The following MAST4 variants were observed in gnomAD, a reference collection of about 807,000 sequenced individuals.
The protein encoded by MAST4 is microtubule associated serine/threonine kinase family member 4.
A neutral mutation model predicts 162.7 loss-of-function variants in MAST4; 89 were observed. The ratio of observed to expected loss-of-function variants is 0.55; its 90% CI spans 0.46 to 0.65. The LOEUF is 0.65. Ranked by LOEUF, MAST4 falls within the 30% of genes least tolerant of loss-of-function variation. MAST4 has a pLI of 0.00. For missense variants in MAST4, 3,153 were observed against 3,374.0 expected (o/e 0.93, Z 1.62); for synonymous variants, 1,479 against 1,361.1 (o/e 1.09, Z -1.91).
At chr5:66,869,331 A>G (rs901726447) in intron 3 of MAST4, among the ~76,000 whole-genome samples, 2 of 152,178 alleles carry the variant, frequency 1.3e-5, no homozygotes, top group Admixed American at 6.5e-5. Flanking sequence ...TCTTGATTCT[A>G]TGGAAATGGG....
Position 66,596,733 on chromosome 5 carries a change from T to C in MAST4, c.78T>C (p.Ser26=). The C allele has an allele frequency of 1.4e-6, 2 of 1,415,460 alleles. No homozygotes were observed. Among genetic ancestry groups the C allele is most frequent in the Non-Finnish European group, 1.8e-6 (2 of 1,084,186 alleles). The allele number at this position is 1,415,460 out of a possible 1,614,324, so 87.7% of individuals were successfully genotyped here. A position where few individuals can be genotyped will look rare whatever the true frequency, so the allele number is the denominator to read the frequency against. The change falls in exon 1 of 29, where the codon TCT becomes TCC. Residue 26 remains serine, a synonymous_variant. Transcript: ENST00000403625. ...CSGHGSRTPA[S]ALVAASSPGA... is the part of the protein sequence containing the mutation. ...GCCACGGCAGCCGGACTCCAGCCTC[T>C]GCGCTGGTCGCCGCGTCCTCTCCGG...
intron 4 of MAST4, chr5:67,005,118 A>G (rs747581025): frequency 7.1e-5 from 52 of 731,266 alleles, no homozygotes; most frequent in Admixed American, 1.7e-4. Context: ...CTGGAGAGGG[A>G]ATGCTTTCAC....
intron 23 of MAST4, among the ~76,000 whole-genome samples, chr5:67,147,460 C>G (rs1771237965): frequency 6.6e-6 from 1 of 152,208 alleles, no homozygotes; most frequent in African/African-American, 2.4e-5. Context: ...AGAGGTGACA[C>G]AAGGTTGTAT....
intron 4 of MAST4, among the ~76,000 whole-genome samples, chr5:67,049,027 A>ATATATATATACACG (rs1561576276): frequency 1.2e-5 from 1 of 84,034 alleles, no homozygotes; most frequent in African/African-American, 4.8e-5. Flanking sequence ...ATATACGTAT[A>ATATATATATACACG]TATATATATA....
intron 1 of MAST4, among the ~76,000 whole-genome samples, chr5:66,635,152 T>C (rs768291080): frequency 2.0e-5 from 3 of 152,198 alleles, no homozygotes; most frequent in Admixed American, 6.5e-5. Context: ...TAAAACAGCA[T>C]TATGTTGCCT....
At chr5:66,675,342 C>T (rs1403453623) in intron 1 of MAST4, among the ~76,000 whole-genome samples, 1 of 152,150 alleles carries the variant, frequency 6.6e-6, no homozygotes, top group African/African-American at 2.4e-5. Context: ...AACGGCAAAC[C>T]TTCACTGCAG....
At chr5:66,637,709 T>G (rs2149430660) in intron 1 of MAST4, among the ~76,000 whole-genome samples, 1 of 152,282 alleles carries the variant, frequency 6.6e-6, no homozygotes, top group South Asian at 2.1e-4. Flanking sequence ...TTCTTTTTCT[T>G]TCTTTTTTTC....
intron 5 of MAST4, among the ~76,000 whole-genome samples, chr5:67,078,931 T>TA (rs1561622553): frequency 4.2e-5 from 3 of 71,316 alleles, no homozygotes; most frequent in African/African-American, 2.2e-4. Context: ...TATATATATA[T>TA]ATATATATAT....
At chr5:66,823,725 C>A (rs374450616) in intron 3 of MAST4, among the ~76,000 whole-genome samples, 1 of 152,144 alleles carries the variant, frequency 6.6e-6, no homozygotes, top group Non-Finnish European at 1.5e-5. Flanking sequence ...GAACTCCTGA[C>A]CTCAGGTGAT....
At chr5:66,989,994 C>T (rs1308338134) in intron 4 of MAST4, among the ~76,000 whole-genome samples, 1 of 152,146 alleles carries the variant, frequency 6.6e-6, no homozygotes, top group Non-Finnish European at 1.5e-5. Context: ...ACAGGTTTCA[C>T]AGGGAGACAC....
chr5:66,819,710 T>TG (rs1188597933), intron 3 of MAST4, among the ~76,000 whole-genome samples: 6 of 151,950 alleles, frequency 3.9e-5, no homozygotes, highest in East Asian at 1.9e-4. Context: ...TTTGTTTTTT[T>TG]GGGGGGGAAG....
chr5:66,724,906 T>C (rs1178831373), intron 1 of MAST4, among the ~76,000 whole-genome samples: 1 of 152,108 alleles, frequency 6.6e-6, no homozygotes, highest in East Asian at 1.9e-4. Flanking sequence ...TACTAGTTGA[T>C]GGCTTCAAAG....
intron 2 of MAST4, among the ~76,000 whole-genome samples, chr5:66,765,193 T>C (rs1011900209): frequency 2.6e-5 from 4 of 152,156 alleles, no homozygotes; most frequent in African/African-American, 7.2e-5. Flanking sequence ...GTTTGCACAA[T>C]GACAGAATTG....
intron 1 of MAST4, among the ~76,000 whole-genome samples, chr5:66,687,692 T>G (rs1450767679): frequency 2.0e-5 from 3 of 151,990 alleles, no homozygotes; most frequent in Non-Finnish European, 4.4e-5. Flanking sequence ...GCACCACATT[T>G]TCATTATCCA....
intron 2 of MAST4, among the ~76,000 whole-genome samples, chr5:66,763,914 C>T (rs1385497573): frequency 6.6e-6 from 1 of 152,168 alleles, no homozygotes; most frequent in Non-Finnish European, 1.5e-5. Flanking sequence ...CAATTACTTT[C>T]TGCTAAGGAA....
intron 5 of MAST4, among the ~76,000 whole-genome samples, chr5:67,069,881 A>AGTGTGTGTGT (rs200867949): frequency 0.057 from 8,084 of 142,650 alleles, 364 homozygotes; most frequent in African/African-American, 0.12. Flanking sequence ...TTTGAGAGAA[A>AGTGTGTGTGT]GTGTGTGTGT....
At chr5:67,013,121 G>T (rs892584556) in intron 4 of MAST4, among the ~76,000 whole-genome samples, 1 of 152,138 alleles carries the variant, frequency 6.6e-6, no homozygotes, top group African/African-American at 2.4e-5. Flanking sequence ...GTCAGAGTTT[G>T]GGGGCTCTTA....
intron 4 of MAST4, among the ~76,000 whole-genome samples, chr5:66,948,273 GGAT>G (rs1419057890): frequency 6.6e-6 from 1 of 152,116 alleles, no homozygotes; most frequent in Admixed American, 6.6e-5. Context: ...TGGAGTGTGA[GGAT>G]GATAAGATAC....
chr5:67,057,323 C>G (rs1017733072), intron 5 of MAST4, among the ~76,000 whole-genome samples: 3 of 152,080 alleles, frequency 2.0e-5, no homozygotes, highest in Non-Finnish European at 2.9e-5. Flanking sequence ...CTCCATCTCT[C>G]AGCACTTATT....
Sources: allele counts gnomAD v4.1 joint callset (sites outside exome capture counted in the v4.1 genomes callset), GRCh38; gene constraint gnomAD v4.1.1; transcripts MANE v1.5; gene names NCBI Gene and HGNC (gene_info 2026-07-23, HGNC 2026-07-21).